Variants in AGO4 observed in about 807,000 individuals in gnomAD.
AGO4 encodes argonaute RISC component 4.
Under a neutral mutation model 104.7 loss-of-function variants are expected in AGO4, and 33 were observed. The ratio of observed to expected loss-of-function variants is 0.32; its 90% confidence interval spans 0.24 to 0.42. The LOEUF (loss-of-function observed/expected upper bound fraction) is 0.42, where lower values mean the gene tolerates loss of function less well. Ranked by LOEUF, AGO4 falls within the 10% of genes least tolerant of loss-of-function variation. The pLI, the probability that AGO4 is intolerant of heterozygous loss-of-function variation, is 1.00. For missense variants in AGO4, 711 were observed against 1,083.4 expected, an observed-to-expected ratio of 0.66 and a Z score of 4.83; for synonymous variants, 331 against 364.7, an observed-to-expected ratio of 0.91 and a Z score of 1.05.
intron 1 of AGO4, among the ~76,000 whole-genome samples, chr1:35,813,812 GGAA>G (rs1057098838): frequency 2.8e-4 from 43 of 151,064 alleles, no homozygotes; most frequent in African/African-American, 1.0e-3. Flanking sequence ...GAAGGAAGAA[GGAA>G]GAAGAAGAGA....
chr1:35,828,359 T>C (rs1005912439), intron 7 of AGO4, among the ~76,000 whole-genome samples: 1 of 152,058 alleles, frequency 6.6e-6, no homozygotes, highest in Non-Finnish European at 1.5e-5. Flanking sequence ...CCCACTTTGT[T>C]GCCCAGGCTG....
At position 35,825,299 on chromosome 1, in the gene AGO4, A is replaced by G. The variant is rs1361340359; in HGVS notation, c.307-14A>G. ...TAAACATTTGTGTTTGTATTCATGT[A>G]TTTTTTTCCTTAGGTTGATATGGAG... On this transcript the variant is annotated splice_polypyrimidine_tract_variant and intron_variant, in intron 3 of 17. Transcript: ENST00000373210. The G allele has an allele frequency of 3.1e-6, 5 of 1,609,276 alleles. No homozygotes were observed. The highest frequency in any genetic ancestry group is 1.3e-5 in the African/African-American group (1 of 74,670).
chr1:35,828,629 C>T (rs1163087660), intron 7 of AGO4, among the ~76,000 whole-genome samples: 1 of 152,078 alleles, frequency 6.6e-6, no homozygotes, highest in Non-Finnish European at 1.5e-5. Flanking sequence ...AAGCGATTCT[C>T]CTGCCTCAAC....
At position 35,856,802 on chromosome 1, in the gene AGO4, A is replaced by G. The variant is rs1208547966; in HGVS notation, c.*3197A>G. The stretch of plus-strand genomic sequence containing the variant: ...AGCTATTACTCCAGCCTGGGCAACA[A>G]GAGCGAAACTCTGTCTCAAAAAAAA... On this transcript the variant is annotated 3_prime_UTR_variant, in exon 18 of 18. Coordinates refer to ENST00000373210, the MANE Select transcript of AGO4 (RefSeq NM_017629.4). 1 of 124,558 alleles carries G rather than the reference A, an allele frequency of 8.0e-6. No individual in the cohort carries two copies. Among genetic ancestry groups the G allele is most frequent in the East Asian group, 2.8e-4 (1 of 3,538 alleles). 7.7% of individuals were successfully genotyped at this position (124,558 alleles called of 1,614,324 possible).
At position 35,841,835 on chromosome 1, in the gene AGO4, T is replaced by C. The variant is rs1480052971; in HGVS notation, c.2175+85T>C. 7.7e-6 allele frequency: 6 copies of C among 775,076 alleles called. 1 individual carries two copies. The East Asian group carries it at 3.2e-4, about 42-fold the overall frequency. The allele number at this position is 775,076 out of a possible 1,614,324, so 48.0% of individuals were successfully genotyped here. On this transcript the variant is annotated intron_variant, in intron 15 of 17. Coordinates refer to ENST00000373210, the MANE Select transcript of AGO4 (RefSeq NM_017629.4). This position sits in a 1 kb window ranked among gnomAD's most constrained non-coding sequence, Gnocchi z 4.7. Reference sequence around the variant, plus strand: ...ACATATATATATATATATATATATATATACACCATTTTTATACAATTTTTT... The same window carrying C: ...ACATATATATATATATATATATATACATACACCATTTTTATACAATTTTTT...
At position 35,825,633 on chromosome 1, in the gene AGO4, C is replaced by A. The variant is rs769246192; in HGVS notation, c.489-46C>A. The A allele has an allele frequency of 4.6e-6, 7 of 1,529,808 alleles. No homozygotes were observed. In the Admixed American group the frequency reaches 1.3e-4, roughly 29 times the overall value. The allele number at this position is 1,529,808 out of a possible 1,614,324, so 94.8% of individuals were successfully genotyped here. On this transcript the variant is annotated intron_variant, in intron 4 of 17. Transcript: ENST00000373210. ...CCAGAGTTGAGAGTGAAATGAAGGA[C>A]CTTTCACATGTTTAATGTGACACAT...
At chr1:35,823,067 C>G in intron 3 of AGO4, 85 bp downstream of exon 3, 1 of 1,482,168 alleles carries the variant, frequency 6.7e-7, no homozygotes, top group Non-Finnish European at 9.2e-7. Flanking sequence ...CCAACACACA[C>G]AAAAAACATA....
intron 13 of AGO4, among the ~76,000 whole-genome samples, chr1:35,836,599 C>T (rs138071976): frequency 5.6e-4 from 86 of 152,252 alleles, no homozygotes; most frequent in African/African-American, 1.8e-3. Context: ...TTAGTAGAGA[C>T]GGGGTTTCAC....
intron 2 of AGO4, among the ~76,000 whole-genome samples, chr1:35,818,649 G>GA (rs1196299591): frequency 8.7e-6 from 1 of 114,464 alleles, no homozygotes; most frequent in Non-Finnish European, 2.0e-5. Context: ...AAGAAAGAAA[G>GA]AAAGAAAGAA....
chr1:35,838,396 AGGCTGGTCTT>A (rs1644364060), intron 13 of AGO4, among the ~76,000 whole-genome samples: 1 of 152,004 alleles, frequency 6.6e-6, no homozygotes, highest in Non-Finnish European at 1.5e-5. Flanking sequence ...TGTGTTGTCC[AGGCTGGTCTT>A]GAACTCCTGG....
rs766885720 is a variant in AGO4 at position 35,834,039 on chromosome 1, A to G, written c.1429A>G (p.Ile477Val). The change falls in exon 12 of 18, where the codon ATC becomes GTC. Residue 477 changes from isoleucine to valine, a missense_variant. Ile to Val is a conservative substitution (Grantham distance 29). Coordinates refer to ENST00000373210, the MANE Select transcript of AGO4 (RefSeq NM_017629.4). ...AATCTCTAAGGATGCAGGAATGCCC[A>G]TCCAGGGTCAGCCATGTTTCTGCAA... ...RKISKDAGMP[I>V]QGQPCFCKYA... 6.2e-7 allele frequency: 1 copy of G among 1,609,612 alleles called. No individual in the cohort carries two copies. The highest frequency in any genetic ancestry group is 1.1e-5 in the South Asian group (1 of 90,174).
chr1:35,838,028 A>C (rs765928954), intron 13 of AGO4, among the ~76,000 whole-genome samples: 8 of 151,424 alleles, frequency 5.3e-5, no homozygotes, highest in Non-Finnish European at 8.8e-5. Flanking sequence ...GACTACAGGA[A>C]TGTGCCACCA....
In AGO4 at chr1:35,811,677, C is replaced by T. The variant is rs565866540; in HGVS notation, c.19+3242C>T. ...GGAGTGCAGTGGCGCCATCTCGGCTCACTGCAGCCTCCACCTCCCGGGTTC... is the reference window on the plus strand; with the variant it reads ...GGAGTGCAGTGGCGCCATCTCGGCTTACTGCAGCCTCCACCTCCCGGGTTC... On this transcript the variant is annotated intron_variant, in intron 1 of 17. Coordinates refer to ENST00000373210, the MANE Select transcript of AGO4 (RefSeq NM_017629.4). Among the ~76,000 whole-genome samples, 3 of 152,092 alleles carry T rather than the reference C, an allele frequency of 2.0e-5. No homozygotes were observed. In the South Asian group the frequency reaches 6.2e-4, roughly 32 times the overall value.
chr1:35,846,625 A>G (rs1057372366), intron 15 of AGO4, among the ~76,000 whole-genome samples: 6 of 150,172 alleles, frequency 4.0e-5, no homozygotes, highest in Non-Finnish European at 8.9e-5. Flanking sequence ...ATATATATAT[A>G]TATATTTAGG....
Position 35,841,827 on chromosome 1 carries a change from TATATATATATAC to T in AGO4, c.2175+79_2175+90del, listed in dbSNP as rs951026754. 3.6e-5 allele frequency: 30 copies of T among 839,704 alleles called. No homozygotes were observed. The highest frequency in any genetic ancestry group is 5.5e-5 in the African/African-American group (3 of 54,378). The allele number at this position is 839,704 out of a possible 1,614,324, so 52.0% of individuals were successfully genotyped here. A position where few individuals can be genotyped will look rare whatever the true frequency, so the allele number is the denominator to read the frequency against. ...ATATATGCACATATATATATATATA[TATATATATATAC>T]ACCATTTTTATACAATTTTTTTCTT... On this transcript the variant is annotated intron_variant, in intron 15 of 17. Coordinates refer to ENST00000373210, the MANE Select transcript of AGO4 (RefSeq NM_017629.4). The surrounding 1 kb of genome is among the most constrained non-coding windows in gnomAD (Gnocchi z 4.7).
chr1:35,853,073 A>AC (rs1285495716), intron 17 of AGO4, among the ~76,000 whole-genome samples: 2 of 151,876 alleles, frequency 1.3e-5, no homozygotes, highest in Non-Finnish European at 2.9e-5. Context: ...ACATGGTGAA[A>AC]CCCCGTCTCT....
chr1:35,815,962 C>G (rs745530342), intron 1 of AGO4, among the ~76,000 whole-genome samples: 18 of 152,104 alleles, frequency 1.2e-4, no homozygotes, highest in Non-Finnish European at 2.2e-4. Flanking sequence ...CATGTTATAA[C>G]TGAATAAATG....
chr1:35,822,107 T>C (rs1643899001), intron 2 of AGO4, among the ~76,000 whole-genome samples: 2 of 152,098 alleles, frequency 1.3e-5, no homozygotes, highest in South Asian at 2.1e-4. Flanking sequence ...CTCGAACTCC[T>C]GACCTCAAGT....
At position 35,834,862 on chromosome 1, in the gene AGO4, A is replaced by G. The variant is rs531697860; in HGVS notation, c.1564+688A>G. Among the ~76,000 whole-genome samples the G allele has an allele frequency of 2.6e-5, 4 of 151,966 alleles. No homozygotes were observed. In the South Asian group the frequency reaches 8.3e-4, roughly 32 times the overall value. ...AGGTGCCCACAACCACGCCCAGCTA[A>G]TTTTTGTATTTTTTATAGAGATAGG... On this transcript the variant is annotated intron_variant, in intron 12 of 17. Transcript: ENST00000373210.
Sources: allele counts gnomAD v4.1 joint callset (sites outside exome capture counted in the v4.1 genomes callset), GRCh38; gene constraint gnomAD v4.1.1; non-coding constraint Gnocchi (gnomAD v3.1); transcripts MANE v1.5; gene names NCBI Gene and HGNC (gene_info 2026-07-23, HGNC 2026-07-21).